The following DHX57 variants were observed in gnomAD, a reference collection of about 807,000 sequenced individuals.
DHX57 encodes DExH-box helicase 57, also known as putative ATP-dependent RNA helicase DHX57.
A neutral mutation model predicts 156.2 loss-of-function variants in DHX57; 105 were observed. That is an observed-to-expected ratio of 0.67 (90% CI 0.57 to 0.79). DHX57 has a LOEUF of 0.79. Among genes scored for constraint, DHX57 ranks in the 30% least tolerant of loss-of-function variants. The probability of loss-of-function intolerance (pLI) is 0.00; values close to 1 mark genes in which losing one functional copy is unlikely to be tolerated. For missense variants in DHX57, 1,847 were observed against 1,661.9 expected, an observed-to-expected ratio of 1.11 and a Z score of -1.94; for synonymous variants, 704 against 595.6, an observed-to-expected ratio of 1.18 and a Z score of -2.65.
intron 19 of DHX57, 130 bp from the exon 20 acceptor site, chr2:38,815,785 C>A: frequency 8.8e-7 from 1 of 1,137,644 alleles, no homozygotes; most frequent in Non-Finnish European, 1.2e-6. Flanking sequence ...ATTCATTCCT[C>A]AGGTATGAAG....
intron 13 of DHX57, among the ~76,000 whole-genome samples, chr2:38,830,953 G>C (rs923865988): frequency 2.0e-5 from 3 of 151,958 alleles, no homozygotes; most frequent in African/African-American, 7.3e-5. Flanking sequence ...AATTTAGTAG[G>C]GCTCGAGAGG....
intron 6 of DHX57, 41 bp from the exon 7 acceptor site, chr2:38,856,502 T>C (rs1346251654): frequency 6.5e-7 from 1 of 1,536,530 alleles, no homozygotes. Flanking sequence ...GGTTACTTTT[T>C]CTTTTTTTTT....
intron 16 of DHX57, among the ~76,000 whole-genome samples, chr2:38,823,693 T>C (rs935985210): frequency 9.9e-5 from 15 of 152,156 alleles, no homozygotes; most frequent in Non-Finnish European, 2.1e-4. Context: ...CTTCTAAGTA[T>C]ACATCCAAAA....
intron 13 of DHX57, among the ~76,000 whole-genome samples, chr2:38,832,332 C>T (rs964941222): frequency 2.0e-4 from 31 of 151,812 alleles, no homozygotes; most frequent in Admixed American, 7.2e-4. Flanking sequence ...CCCAGCTACA[C>T]GGGAGGCTGA....
chr2:38,822,369 C>T (rs1572641496), intron 17 of DHX57, among the ~76,000 whole-genome samples: 1 of 151,978 alleles, frequency 6.6e-6, no homozygotes, highest in African/African-American at 2.4e-5. Flanking sequence ...GCGTGAGCCA[C>T]CACGCCAGGC....
chr2:38,849,524 C>T (rs1042040866), intron 9 of DHX57, among the ~76,000 whole-genome samples: 2 of 145,186 alleles, frequency 1.4e-5, no homozygotes, highest in Non-Finnish European at 3.0e-5. Context: ...CCAACCTAGC[C>T]GATATAGCAA....
At chr2:38,826,901 C>G (rs1330036662) in intron 14 of DHX57, among the ~76,000 whole-genome samples, 1 of 152,110 alleles carries the variant, frequency 6.6e-6, no homozygotes, top group African/African-American at 2.4e-5. Context: ...AAGGCTGAGG[C>G]AGGCGGATCA....
chr2:38,857,192 A>T (rs757633341), intron 6 of DHX57: 1 of 153,668 alleles, frequency 6.5e-6, no homozygotes, highest in Non-Finnish European at 1.5e-5. Context: ...TTTTAATTTT[A>T]ATTAATTAAT....
At chr2:38,823,660 T>C (rs1670941687) in intron 16 of DHX57, among the ~76,000 whole-genome samples, 1 of 152,102 alleles carries the variant, frequency 6.6e-6, no homozygotes, top group Non-Finnish European at 1.5e-5. Context: ...AAAATAGAAC[T>C]ACCATATGAT....
At chr2:38,843,605 A>G (rs904920392) in intron 11 of DHX57, among the ~76,000 whole-genome samples, 3 of 152,234 alleles carry the variant, frequency 2.0e-5, no homozygotes, top group African/African-American at 7.2e-5. Context: ...TTTGGACCCA[A>G]GTTTCTAGCT....
At chr2:38,809,802 C>T (rs1670148339) in intron 21 of DHX57, among the ~76,000 whole-genome samples, 1 of 152,204 alleles carries the variant, frequency 6.6e-6, no homozygotes, top group East Asian at 1.9e-4. Context: ...TTGCTAGTAA[C>T]ACTGAATATA....
chr2:38,858,564 A>T, intron 6 of DHX57, 97 bp downstream of exon 6: 2 of 1,447,162 alleles, frequency 1.4e-6, no homozygotes, highest in Non-Finnish European at 1.8e-6. Context: ...AAAGAACCAG[A>T]AGAATTTTAA....
chr2:38,862,470 T>G, intron 3 of DHX57, 137 bp from the exon 4 acceptor site: 3 of 818,050 alleles, frequency 3.7e-6, no homozygotes, highest in Non-Finnish European at 5.2e-6. Context: ...TATTGAACTA[T>G]TAATTTATAT....
intron 1 of DHX57, among the ~76,000 whole-genome samples, chr2:38,874,776 C>T (rs772116475): frequency 1.3e-5 from 2 of 152,156 alleles, no homozygotes; most frequent in Non-Finnish European, 2.9e-5. Context: ...CCGGGTAGTT[C>T]ATACCCATGT....
chr2:38,822,340 C>T (rs1171970151), intron 17 of DHX57, among the ~76,000 whole-genome samples: 2 of 152,094 alleles, frequency 1.3e-5, no homozygotes, highest in South Asian at 2.1e-4. Context: ...CTCGGCCTCC[C>T]AAAGAGCTGG....
intron 20 of DHX57, among the ~76,000 whole-genome samples, chr2:38,815,069 T>A (rs1303012151): frequency 7.0e-6 from 1 of 142,556 alleles, no homozygotes; most frequent in Non-Finnish European, 1.6e-5. Context: ...AATTTTTTTA[T>A]ACTTTTTTTT....
intron 16 of DHX57, 47 bp from the exon 17 acceptor site, chr2:38,823,316 G>C (rs777318126): frequency 6.4e-7 from 1 of 1,552,696 alleles, no homozygotes. Context: ...TTTCTGGTGG[G>C]ATGACACAGA....
At chr2:38,838,087 T>G (rs1671778499) in intron 12 of DHX57, 140 bp from the exon 13 acceptor site, 1 of 633,398 alleles carries the variant, frequency 1.6e-6, no homozygotes, top group Admixed American at 2.7e-5. Flanking sequence ...TTTAATGTAC[T>G]GAAATGAACT....
intron 15 of DHX57, among the ~76,000 whole-genome samples, 157 bp from the exon 16 acceptor site, chr2:38,826,204 G>A (rs1671079810): frequency 6.6e-6 from 1 of 152,188 alleles, no homozygotes; most frequent in South Asian, 2.1e-4. Flanking sequence ...AGCAGCTAGT[G>A]CTGATTTAAG....
Sources: gnomAD v4.1 joint callset for allele counts (sites outside exome capture counted in the v4.1 genomes callset) on GRCh38, gnomAD v4.1.1 for gene constraint, MANE v1.5 for transcripts, NCBI Gene and HGNC (gene_info 2026-07-23, HGNC 2026-07-21) for gene names.